The following LATS1 variants were observed in gnomAD, a reference collection of about 807,000 sequenced individuals.
LATS1 encodes large tumor suppressor kinase 1.
In LATS1, 25 loss-of-function variants were observed where a neutral mutation model predicts 106.6. The ratio of observed to expected loss-of-function variants is 0.23; its 90% CI spans 0.17 to 0.33. The LOEUF (loss-of-function observed/expected upper bound fraction) is 0.33, where lower values mean the gene tolerates loss of function less well. Among genes scored for constraint, LATS1 ranks in the 10% least tolerant of loss-of-function variants. The pLI, the probability that LATS1 is intolerant of heterozygous loss-of-function variation, is 1.00. For synonymous variants in LATS1, 465 were observed against 455.6 expected (o/e 1.02, Z -0.26); for missense variants, 1,040 against 1,382.6 (o/e 0.75, Z 3.93).
chr6:149,717,831 C>T lies in LATS1; in HGVS notation c.-141+18G>A. The T allele has an allele frequency of 3.4e-6, 1 of 296,562 alleles. No homozygotes were observed. Among genetic ancestry groups the T allele is most frequent in the Non-Finnish European group, 6.5e-6 (1 of 152,996 alleles). 18.4% of individuals were successfully genotyped at this position (296,562 alleles called of 1,614,324 possible). On this transcript the variant is annotated intron_variant, in intron 1 of 7. Transcript: ENST00000543571. ...GAGCACTGGAGGAGCGCACCCGCTA[C>T]GCCAGCCCCGGACCTACCTGGAGGG...
Position 149,659,435 on chromosome 6 carries a change from G to A in LATS1, c.*2294C>T. 1 of 217,046 alleles carries A rather than the reference G, an allele frequency of 4.6e-6. No homozygotes were observed. Among genetic ancestry groups the A allele is most frequent in the Non-Finnish European group, 9.3e-6 (1 of 107,912 alleles). 13.4% of individuals were successfully genotyped at this position (217,046 alleles called of 1,614,324 possible). On this transcript the variant is annotated 3_prime_UTR_variant, in exon 8 of 8. Coordinates refer to ENST00000543571, the MANE Select transcript of LATS1 (RefSeq NM_004690.4). ...TGAAGCGCCACTGCCCTCCAGCCTG[G>A]GTGACAGAGTGAGACCCTGTCTCAA...
At position 149,717,871 on chromosome 6, in the gene LATS1, T is replaced by C. The variant is rs1200378745; in HGVS notation, c.-163A>G. ...TACCTGGAGGGGAGAGCAGAGCTCC[T>C]GGACAGCGGCCACGGGCCTGAGGGC... On this transcript the variant is annotated 5_prime_UTR_variant, in exon 1 of 8. Coordinates refer to ENST00000543571, the MANE Select transcript of LATS1 (RefSeq NM_004690.4). 1.4e-5 allele frequency: 5 copies of C among 365,266 alleles called. No individual in the cohort carries two copies. The highest frequency in any genetic ancestry group is 3.8e-5 in the South Asian group (2 of 53,258). The allele number at this position is 365,266 out of a possible 1,614,324, so 22.6% of individuals were successfully genotyped here.
chr6:149,716,575 A>G (rs1301043658), intron 1 of LATS1: 36 of 152,090 alleles, frequency 2.4e-4, no homozygotes, highest in Admixed American at 2.4e-3. Flanking sequence ...AGGACTTGCA[A>G]TAAAAACAAA....
At position 149,660,204 on chromosome 6, in the gene LATS1, A is replaced by G; in HGVS notation, c.*1525T>C. Reference sequence around the variant, plus strand: ...AGTCCACAGCTTCCTTCAGATTCTCAAAAGAACCACTAACCCCAAAAGACG... The same window carrying G: ...AGTCCACAGCTTCCTTCAGATTCTCGAAAGAACCACTAACCCCAAAAGACG... On this transcript the variant is annotated 3_prime_UTR_variant, in exon 8 of 8. Coordinates refer to ENST00000543571, the MANE Select transcript of LATS1 (RefSeq NM_004690.4). 4.3e-6 allele frequency: 1 copy of G among 232,814 alleles called. No individual in the cohort carries two copies. The highest frequency in any genetic ancestry group is 8.5e-6 in the Non-Finnish European group (1 of 117,880). The allele number at this position is 232,814 out of a possible 1,614,324, so 14.4% of individuals were successfully genotyped here.
At chr6:149,707,492 C>A (rs1582924263) in intron 1 of LATS1, among the ~76,000 whole-genome samples, 2 of 152,172 alleles carry the variant, frequency 1.3e-5, no homozygotes, top group African/African-American at 4.8e-5. Context: ...TACCTTTTCC[C>A]CCCATAACAT....
chr6:149,716,048 AT>A (rs1007653884), intron 1 of LATS1, among the ~76,000 whole-genome samples: 3,482 of 145,356 alleles, frequency 0.024, 132 homozygotes, highest in African/African-American at 0.076. Flanking sequence ...ACAGATCGCC[AT>A]TTTTTTTTTT....
chr6:149,661,710 A>G lies in LATS1; in HGVS notation c.*19T>C. On this transcript the variant is annotated 3_prime_UTR_variant, in exon 8 of 8. Transcript: ENST00000543571. ...TCAGGCCCTTTTACAAATCCTCATT[A>G]CATTTATTTACTAGTGTGTTAAACA... The G allele has an allele frequency of 6.6e-7, 1 of 1,521,438 alleles. No individual in the cohort carries two copies. The allele number at this position is 1,521,438 out of a possible 1,614,324, so 94.2% of individuals were successfully genotyped here.
chr6:149,681,144 A>G lies in LATS1; in HGVS notation c.2011-687T>C, dbSNP rs185601309. ...GTTGTTTACAAGATATCCTTTGGAT[A>G]CTTAGGAATACTTCAGTGTGACTCA... On this transcript the variant is annotated intron_variant, in intron 4 of 7. Transcript: ENST00000543571. Among the ~76,000 whole-genome samples the G allele has an allele frequency of 1.6e-3, 250 of 152,324 alleles. 2 individuals carry two copies. The highest frequency in any genetic ancestry group is 2.5e-3 in the Non-Finnish European group (171 of 68,020).
In LATS1 at chr6:149,683,079, C is replaced by T. The variant is rs1377860182; in HGVS notation, c.2010G>A (p.Arg670=). The T allele has an allele frequency of 6.2e-7, 1 of 1,608,316 alleles. No homozygotes were observed. The highest frequency in any genetic ancestry group is 8.5e-7 in the Non-Finnish European group (1 of 1,177,126). The change falls in exon 4 of 8, where the codon CGG becomes CGA. Residue 670 remains arginine, a splice_region_variant and synonymous_variant. Transcript: ENST00000543571. The stretch of plus-strand genomic sequence containing the variant: ...AAATGGACATTTTAAAAGGTTTTAC[C>T]CGCATCATTTCATTCTCTAATTGTT... The part of the protein sequence containing the change: ...RKKQLENEMM[R]VGLSQDAQDQ...
At chr6:149,663,395 G>A (rs970114996) in intron 7 of LATS1, among the ~76,000 whole-genome samples, 9 of 152,162 alleles carry the variant, frequency 5.9e-5, no homozygotes, top group African/African-American at 2.2e-4. Flanking sequence ...GATGACCTGA[G>A]CCCAGGGAGG....
chr6:149,666,139 CAA>C (rs35062371), intron 7 of LATS1, among the ~76,000 whole-genome samples: 2 of 57,106 alleles, frequency 3.5e-5, no homozygotes, highest in African/African-American at 7.4e-5. Context: ...ACTCCGTCTC[CAA>C]AAAAAAAAAA....
intron 1 of LATS1, among the ~76,000 whole-genome samples, chr6:149,702,931 C>T (rs1452587931): frequency 6.6e-6 from 1 of 151,530 alleles, no homozygotes; most frequent in Non-Finnish European, 1.5e-5. Context: ...CCTCAGCCTC[C>T]CAAAGTGCTG....
At chr6:149,699,474 T>TAA (rs899557971) in intron 2 of LATS1, among the ~76,000 whole-genome samples, 1 of 142,394 alleles carries the variant, frequency 7.0e-6, no homozygotes, top group Non-Finnish European at 1.5e-5. Flanking sequence ...TACTTTTTAA[T>TAA]AAAAAAAAAA....
At position 149,659,570 on chromosome 6, in the gene LATS1, T is replaced by G. The variant is rs1373607073; in HGVS notation, c.*2159A>C. 8.7e-6 allele frequency: 2 copies of G among 230,848 alleles called. No homozygotes were observed. Among genetic ancestry groups the G allele is most frequent in the African/African-American group, 4.4e-5 (2 of 45,188 alleles). 14.3% of individuals were successfully genotyped at this position (230,848 alleles called of 1,614,324 possible). A position where few individuals can be genotyped will look rare whatever the true frequency, so the allele number is the denominator to read the frequency against. On this transcript the variant is annotated 3_prime_UTR_variant, in exon 8 of 8. Coordinates refer to ENST00000543571, the MANE Select transcript of LATS1 (RefSeq NM_004690.4). ...AGGGGGAGGAGACAGCACCTTAGTT[T>G]TCCTACAACATAAATGTAACAAAGT...
rs1324870527 is a variant in LATS1, at chr6:149,660,853, T to A, written c.*876A>T. ...AAGAGGAAACAGGTAACATTGATGATATAATCAAAATAGTTACTATACAGG... is the reference window on the plus strand; with the variant it reads ...AAGAGGAAACAGGTAACATTGATGAAATAATCAAAATAGTTACTATACAGG... On this transcript the variant is annotated 3_prime_UTR_variant, in exon 8 of 8. Transcript: ENST00000543571. The A allele has an allele frequency of 9.4e-6, 2 of 212,456 alleles. No individual in the cohort carries two copies. The highest frequency in any genetic ancestry group is 4.5e-5 in the African/African-American group (2 of 44,262). The allele number at this position is 212,456 out of a possible 1,614,324, so 13.2% of individuals were successfully genotyped here. A position where few individuals can be genotyped will look rare whatever the true frequency, so the allele number is the denominator to read the frequency against.
intron 2 of LATS1, among the ~76,000 whole-genome samples, chr6:149,698,379 G>A (rs541170409): frequency 1.4e-4 from 21 of 151,548 alleles, no homozygotes; most frequent in East Asian, 2.0e-4. Flanking sequence ...AGTGGTTGGG[G>A]ACTACAAGAA....
intron 7 of LATS1, among the ~76,000 whole-genome samples, chr6:149,667,048 T>C (rs1450783035): frequency 6.6e-6 from 1 of 151,782 alleles, no homozygotes; most frequent in Non-Finnish European, 1.5e-5. Context: ...AGAAATTTTA[T>C]AATGGAAAAA....
chr6:149,672,080 A>G (rs1781470786), intron 7 of LATS1, among the ~76,000 whole-genome samples: 1 of 151,532 alleles, frequency 6.6e-6, no homozygotes, highest in African/African-American at 2.4e-5. Context: ...TTTAGTAGAG[A>G]TGGGGTTTCG....
At chr6:149,669,439 G>A (rs893393444) in intron 7 of LATS1, among the ~76,000 whole-genome samples, 9 of 152,072 alleles carry the variant, frequency 5.9e-5, no homozygotes, top group Admixed American at 2.6e-4. Context: ...GGCTGGATGA[G>A]GTTTTAAACG....
Sources: allele counts gnomAD v4.1 joint callset (sites outside exome capture counted in the v4.1 genomes callset), GRCh38; gene constraint gnomAD v4.1.1; transcripts MANE v1.5; gene names NCBI Gene and HGNC (gene_info 2026-07-23, HGNC 2026-07-21).